Variants in CCSER1 observed in about 807,000 individuals in gnomAD.
CCSER1 encodes the protein coiled-coil serine rich protein 1, also known as serine-rich coiled-coil domain-containing protein 1.
A neutral mutation model predicts 82.0 loss-of-function variants in CCSER1; 41 were observed. That is an observed-to-expected ratio of 0.50 (90% CI 0.39 to 0.65). CCSER1 has a LOEUF of 0.65. Among genes scored for constraint, CCSER1 ranks in the 30% least tolerant of loss-of-function variants. The pLI, the probability that CCSER1 is intolerant of heterozygous loss-of-function variation, is 0.00. For synonymous variants in CCSER1, 414 were observed against 383.9 expected (o/e 1.08, Z -0.92); for missense variants, 1,119 against 1,064.2 (o/e 1.05, Z -0.72).
intron 10 of CCSER1, among the ~76,000 whole-genome samples, chr4:91,457,122 A>C (rs1756223878): frequency 6.6e-6 from 1 of 152,126 alleles, no homozygotes. Context: ...CCTTTTCCTA[A>C]AGAATGGCTA....
rs140581207 is a variant in CCSER1, at chr4:90,821,641, AC to A, written c.2094+5797del. ...CCAAAAGTCTAAACATAATAGCTAA[AC>A]GTATGCATACTTAATCATAATTAAT... On this transcript the variant is annotated intron_variant, in intron 8 of 10. Transcript: ENST00000509176. Among the ~76,000 whole-genome samples, 987 of 152,290 alleles carry A rather than the reference AC, an allele frequency of 6.5e-3. 8 individuals carry two copies. Among genetic ancestry groups the A allele is most frequent in the African/African-American group, 0.022 (932 of 41,572 alleles).
intron 3 of CCSER1, among the ~76,000 whole-genome samples, chr4:90,329,052 G>A (rs958815038): frequency 6.6e-6 from 1 of 152,040 alleles, no homozygotes; most frequent in Non-Finnish European, 1.5e-5. Flanking sequence ...GTAAGAATAT[G>A]CACTTGTATT....
At chr4:90,735,054 T>C (rs1363019992) in intron 7 of CCSER1, among the ~76,000 whole-genome samples, 1 of 152,014 alleles carries the variant, frequency 6.6e-6, no homozygotes, top group African/African-American at 2.4e-5. Flanking sequence ...TTTTATCAAA[T>C]GCTTTTTCAG....
At chr4:91,195,279 C>T (rs1376160973) in intron 10 of CCSER1, among the ~76,000 whole-genome samples, 5 of 152,188 alleles carry the variant, frequency 3.3e-5, no homozygotes, top group African/African-American at 1.2e-4. Context: ...TGGATGTGCT[C>T]TGCCGAAACT....
intron 10 of CCSER1, among the ~76,000 whole-genome samples, chr4:91,350,712 G>A (rs1389943565): frequency 6.6e-6 from 1 of 151,912 alleles, no homozygotes; most frequent in African/African-American, 2.4e-5. Flanking sequence ...CTGAGATTTA[G>A]GAAAGGTAAA....
intron 10 of CCSER1, among the ~76,000 whole-genome samples, chr4:91,380,950 A>G (rs760515245): frequency 2.6e-5 from 4 of 152,194 alleles, no homozygotes; most frequent in Non-Finnish European, 5.9e-5. Context: ...TAGTGGTGAC[A>G]AAATCTCTCA....
At chr4:90,450,979 C>T (rs1453497155) in intron 4 of CCSER1, among the ~76,000 whole-genome samples, 1 of 152,172 alleles carries the variant, frequency 6.6e-6, no homozygotes, top group East Asian at 1.9e-4. Context: ...GTTTCTAACA[C>T]ATAGTAGGGC....
chr4:90,968,814 T>C (rs1037544542), intron 9 of CCSER1, among the ~76,000 whole-genome samples: 1 of 151,726 alleles, frequency 6.6e-6, no homozygotes. Flanking sequence ...ATAATAGTTT[T>C]CCACTAACCA....
At chr4:91,497,411 A>G (rs978648737) in intron 10 of CCSER1, among the ~76,000 whole-genome samples, 5 of 151,792 alleles carry the variant, frequency 3.3e-5, no homozygotes, top group South Asian at 2.1e-4. Context: ...AGAAATCAAT[A>G]TCTAGCATTG....
chr4:90,469,755 A>G (rs910170082), intron 5 of CCSER1, among the ~76,000 whole-genome samples: 1 of 152,128 alleles, frequency 6.6e-6, no homozygotes, highest in Non-Finnish European at 1.5e-5. Context: ...GCTCTTCTGA[A>G]TGCAAATGTA....
rs1168441594 is a variant in CCSER1 at position 91,496,723 on chromosome 4, AAT to A, written c.2218-101836_2218-101835del. Among the ~76,000 whole-genome samples, 195 of 59,840 alleles carry A rather than the reference AAT, an allele frequency of 3.3e-3. 61 individuals are homozygous for A. Among genetic ancestry groups the A allele is most frequent in the African/African-American group, 5.4e-3 (100 of 18,622 alleles). The allele number at this position is 59,840 out of a possible 152,430, so 39.3% of individuals were successfully genotyped here. On this transcript the variant is annotated intron_variant, in intron 10 of 10. Coordinates refer to ENST00000509176, the MANE Select transcript of CCSER1 (RefSeq NM_001145065.2). ...ATATATATATATATTCAATATATAG[AAT>A]ATATATATATATTGAATATATATTT...
chr4:91,032,231 T>A (rs1741045423), intron 9 of CCSER1, among the ~76,000 whole-genome samples: 1 of 152,148 alleles, frequency 6.6e-6, no homozygotes, highest in East Asian at 1.9e-4. Flanking sequence ...GGGGCGAATA[T>A]GTTAACATGC....
At chr4:91,437,843 T>C (rs1395254502) in intron 10 of CCSER1, among the ~76,000 whole-genome samples, 3 of 152,238 alleles carry the variant, frequency 2.0e-5, no homozygotes, top group Non-Finnish European at 4.4e-5. Flanking sequence ...GCACCTGGTT[T>C]GGAGGGTCCT....
intron 5 of CCSER1, among the ~76,000 whole-genome samples, chr4:90,535,393 C>T (rs190773077): frequency 1.9e-3 from 289 of 151,628 alleles, no homozygotes; most frequent in African/African-American, 6.3e-3. Flanking sequence ...AAGACCAGAC[C>T]GGACAACATA....
chr4:91,522,472 C>A lies in CCSER1; in HGVS notation c.2218-76100C>A, dbSNP rs375697142. ...TATAAATTACCTTGGGCAGTATGGC[C>A]ATTTTCACGATATTGATTCTTCCTA... On this transcript the variant is annotated intron_variant, in intron 10 of 10. Transcript: ENST00000509176. 3.3e-5 allele frequency among the ~76,000 whole-genome samples: 5 copies of A among 152,134 alleles called. No individual in the cohort carries two copies. In the South Asian group the frequency reaches 6.2e-4, roughly 19 times the overall value.
chr4:90,833,703 T>C (rs540235576), intron 8 of CCSER1, among the ~76,000 whole-genome samples: 12 of 152,198 alleles, frequency 7.9e-5, no homozygotes, highest in Non-Finnish European at 1.6e-4. Context: ...TTGTAATCTC[T>C]CAATTAAACA....
At chr4:90,879,945 T>C (rs1027755116) in intron 8 of CCSER1, among the ~76,000 whole-genome samples, 1 of 152,128 alleles carries the variant, frequency 6.6e-6, no homozygotes, top group African/African-American at 2.4e-5. Context: ...GCAAGGTTTT[T>C]ATTTGAAGCT....
At chr4:91,241,314 A>C in intron 10 of CCSER1, among the ~76,000 whole-genome samples, 1 of 64,108 alleles carries the variant, frequency 1.6e-5, no homozygotes. Context: ...TGAAATCTCT[A>C]CTCATAAAAT....
At chr4:90,505,013 C>T (rs545648767) in intron 5 of CCSER1, among the ~76,000 whole-genome samples, 1 of 152,252 alleles carries the variant, frequency 6.6e-6, no homozygotes, top group African/African-American at 2.4e-5. Context: ...GGCCACAGAA[C>T]AACATGATTT....
Sources: allele counts gnomAD v4.1 joint callset (sites outside exome capture counted in the v4.1 genomes callset), GRCh38; gene constraint gnomAD v4.1.1; transcripts MANE v1.5; gene names NCBI Gene and HGNC (gene_info 2026-07-23, HGNC 2026-07-21).